The following SLC9C1 variants were observed in gnomAD, a reference collection of about 807,000 sequenced individuals.
SLC9C1 encodes the protein sodium/hydrogen exchanger 10.
In SLC9C1, 97 loss-of-function variants were observed where a neutral mutation model predicts 140.9. The observed-to-expected ratio is 0.69, with a 90% CI of 0.58 to 0.82. SLC9C1 has a LOEUF of 0.82. Ranked by LOEUF, SLC9C1 falls within the 40% of genes least tolerant of loss-of-function variation. The pLI, the probability that SLC9C1 is intolerant of heterozygous loss-of-function variation, is 0.00. For synonymous variants in SLC9C1, 440 were observed against 442.6 expected (o/e 0.99, Z 0.07); for missense variants, 1,340 against 1,389.3 (o/e 0.96, Z 0.56).
At chr3:112,286,246 A>C (rs1278063563) in intron 2 of SLC9C1, among the ~76,000 whole-genome samples, 2 of 152,030 alleles carry the variant, frequency 1.3e-5, no homozygotes, top group Non-Finnish European at 2.9e-5. Context: ...CTTCCATTTC[A>C]TTTTTTTCTG....
intron 12 of SLC9C1, among the ~76,000 whole-genome samples, chr3:112,232,057 A>T (rs1159255384): frequency 6.6e-6 from 1 of 152,236 alleles, no homozygotes. Context: ...GAGAAAATTG[A>T]TGATATGCTC....
At chr3:112,149,304 AGTGGGTACTCT>A (rs1161923905) in intron 28 of SLC9C1, among the ~76,000 whole-genome samples, 1 of 151,686 alleles carries the variant, frequency 6.6e-6, no homozygotes, top group Non-Finnish European at 1.5e-5. Context: ...GAAACAGGTC[AGTGGGTACTCT>A]GAATGCCGGT....
chr3:112,263,602 G>T (rs530273973), intron 9 of SLC9C1, among the ~76,000 whole-genome samples: 112 of 151,098 alleles, frequency 7.4e-4, no homozygotes, highest in African/African-American at 2.6e-3. Context: ...ATTTTACTTG[G>T]CACTAGATGC....
intron 15 of SLC9C1, among the ~76,000 whole-genome samples, chr3:112,209,726 A>G (rs1006998839): frequency 2.0e-5 from 3 of 152,194 alleles, no homozygotes; most frequent in Admixed American, 6.5e-5. Context: ...GAAATTATGA[A>G]AACAATTATA....
Position 112,266,259 on chromosome 3 carries a change from A to G in SLC9C1, c.857T>C (p.Ile286Thr), listed in dbSNP as rs1298440088. The G allele has an allele frequency of 5.0e-6, 8 of 1,610,450 alleles. No individual in the cohort carries two copies. The highest frequency in any genetic ancestry group is 5.9e-6 in the Non-Finnish European group (7 of 1,178,354). Reference sequence around the variant, plus strand: ...TTACTCAAGAAGAAGTGTTTCTTCAATTGCTGCTTTAAAACTTGTAGAATT... The same window carrying G: ...TTACTCAAGAAGAAGTGTTTCTTCAGTTGCTGCTTTAAAACTTGTAGAATT... ...LLNSTSFKAA[I>T]EETLLLEFWT... Residue 286 changes from isoleucine to threonine, a missense_variant, in exon 8 of 29, where the codon ATT becomes ACT. Physicochemically the swap from Ile to Thr is moderately conservative, Grantham distance 89. Coordinates refer to ENST00000305815, the MANE Select transcript of SLC9C1 (RefSeq NM_183061.3).
At chr3:112,222,954 C>T (rs958241689) in intron 13 of SLC9C1, among the ~76,000 whole-genome samples, 1 of 152,030 alleles carries the variant, frequency 6.6e-6, no homozygotes, top group Non-Finnish European at 1.5e-5. Context: ...TAAACATTTA[C>T]TAATCAATTT....
At chr3:112,238,667 C>T (rs2079058282) in intron 12 of SLC9C1, among the ~76,000 whole-genome samples, 1 of 152,084 alleles carries the variant, frequency 6.6e-6, no homozygotes, top group African/African-American at 2.4e-5. Flanking sequence ...GTTGTTTTTC[C>T]TTCTAACAGG....
chr3:112,240,267 T>G (rs4234412), intron 11 of SLC9C1, among the ~76,000 whole-genome samples: 89,962 of 152,070 alleles, frequency 0.59, 27,132 homozygotes, highest in East Asian at 0.79. Context: ...TCAGCACTTT[T>G]CATGCATTAA....
chr3:112,146,103 A>T (rs1292319011), intron 28 of SLC9C1, among the ~76,000 whole-genome samples: 2 of 152,100 alleles, frequency 1.3e-5, no homozygotes, highest in Non-Finnish European at 1.5e-5. Flanking sequence ...TAGTTTGTGT[A>T]TGTAGAGGTG....
chr3:112,182,292 A>G (rs1265384962), intron 20 of SLC9C1, 34 bp from the exon 21 acceptor site: 2 of 1,578,166 alleles, frequency 1.3e-6, no homozygotes, highest in South Asian at 2.4e-5. Flanking sequence ...GGGATGAACC[A>G]AACTGCTGTT....
At chr3:112,197,086 T>C (rs2077786763) in intron 20 of SLC9C1, among the ~76,000 whole-genome samples, 1 of 152,152 alleles carries the variant, frequency 6.6e-6, no homozygotes, top group Admixed American at 6.6e-5. Flanking sequence ...AGCTGAGGAT[T>C]AGTCTTAGGT....
chr3:112,253,078 G>A (rs1451526595), intron 10 of SLC9C1, among the ~76,000 whole-genome samples: 1 of 152,160 alleles, frequency 6.6e-6, no homozygotes, highest in Non-Finnish European at 1.5e-5. Flanking sequence ...AAAGTAACCA[G>A]ACTGTTATGT....
At chr3:112,155,945 T>C (rs2075115775) in intron 26 of SLC9C1, among the ~76,000 whole-genome samples, 1 of 152,124 alleles carries the variant, frequency 6.6e-6, no homozygotes, top group Non-Finnish European at 1.5e-5. Context: ...ATACAGTGGG[T>C]AAAGATCAAA....
chr3:112,261,544 T>A (rs2079772360), intron 10 of SLC9C1, among the ~76,000 whole-genome samples: 2 of 152,022 alleles, frequency 1.3e-5, no homozygotes, highest in Non-Finnish European at 2.9e-5. Flanking sequence ...GTCTTTGATG[T>A]TAGTATTTTT....
At chr3:112,142,558 C>A (rs2074662132) in intron 28 of SLC9C1, among the ~76,000 whole-genome samples, 1 of 152,120 alleles carries the variant, frequency 6.6e-6, no homozygotes, top group African/African-American at 2.4e-5. Flanking sequence ...ATCTCCAGCA[C>A]CTCCTTGTAT....
rs763949275 is a variant in SLC9C1, at chr3:112,221,195, T to C, written c.1603A>G (p.Ile535Val). 19 of 1,613,610 alleles carry C rather than the reference T, an allele frequency of 1.2e-5. No individual in the cohort carries two copies. The South Asian group carries it at 2.1e-4, about 18-fold the overall frequency. Residue 535 changes from isoleucine to valine, a missense_variant, in exon 14 of 29, where the codon ATT becomes GTT. Physicochemically the swap from Ile to Val is conservative, Grantham distance 29. Coordinates refer to ENST00000305815, the MANE Select transcript of SLC9C1 (RefSeq NM_183061.3). ...ASYQRQYRNE[I>V]LSQSAVQVLV... Reference sequence around the variant, plus strand: ...ACCTGGACAGCACTCTGGGACAGAATCTCATTCCTGTATTGTCTCTGGTAG... The same window carrying C: ...ACCTGGACAGCACTCTGGGACAGAACCTCATTCCTGTATTGTCTCTGGTAG...
rs61428176 is a variant in SLC9C1 at position 112,284,985 on chromosome 3, C to CTT, written c.88+1717_88+1718dup. Among the ~76,000 whole-genome samples, 405 of 103,838 alleles carry CTT rather than the reference C, an allele frequency of 3.9e-3. 40 individuals carry two copies. The highest frequency in any genetic ancestry group is 0.013 in the African/African-American group (337 of 26,768). The allele number at this position is 103,838 out of a possible 152,430, so 68.1% of individuals were successfully genotyped here. On this transcript the variant is annotated intron_variant, in intron 2 of 28. Transcript: ENST00000305815. ...ATTATTAGAAAAAAATACAATTTTTCTTTTTTTTTTTTTTTTTTTGAGACA... is the reference window on the plus strand; with the variant it reads ...ATTATTAGAAAAAAATACAATTTTTCTTTTTTTTTTTTTTTTTTTTTGAGACA...
In SLC9C1 at chr3:112,179,619, T is replaced by C; in HGVS notation, c.2831A>G (p.Tyr944Cys). The C allele has an allele frequency of 6.2e-7, 1 of 1,611,972 alleles. No homozygotes were observed. The highest frequency in any genetic ancestry group is 8.5e-7 in the Non-Finnish European group (1 of 1,179,156). Residue 944 changes from tyrosine to cysteine, a missense_variant, in exon 23 of 29, where the codon TAT (tyrosine) becomes TGT (cysteine). Physicochemically the swap from Tyr to Cys is radical, Grantham distance 194. Coordinates refer to ENST00000305815, the MANE Select transcript of SLC9C1 (RefSeq NM_183061.3). The part of the protein sequence containing the change: ...EKDFPIIDTD[Y>C]MLSGEIIGEI... Reference sequence around the variant, plus strand: ...TCCTATTATTTCTCCACTGAGCATATAGTCTGTGTCAATTATCGGAAAATC... The same window carrying C: ...TCCTATTATTTCTCCACTGAGCATACAGTCTGTGTCAATTATCGGAAAATC...
chr3:112,248,366 C>T (rs2079352610), intron 10 of SLC9C1, among the ~76,000 whole-genome samples: 1 of 152,124 alleles, frequency 6.6e-6, no homozygotes, highest in African/African-American at 2.4e-5. Flanking sequence ...TCTTGACTCA[C>T]AGAAACTGAG....
Sources: gnomAD v4.1 joint callset for allele counts (sites outside exome capture counted in the v4.1 genomes callset) on GRCh38, gnomAD v4.1.1 for gene constraint, MANE v1.5 for transcripts, NCBI Gene and HGNC (gene_info 2026-07-23, HGNC 2026-07-21) for gene names.